The following ANKRD30A variants were observed in gnomAD, a reference collection of about 807,000 sequenced individuals.
The protein encoded by ANKRD30A is ankyrin repeat domain-containing protein 30A.
In ANKRD30A, 170 loss-of-function variants were observed where a neutral mutation model predicts 166.3. The observed-to-expected ratio is 1.02, with a 90% CI of 0.90 to 1.16. ANKRD30A has a LOEUF of 1.16. ANKRD30A is among the 50% of genes most tolerant of loss of function. The pLI, the probability that ANKRD30A is intolerant of heterozygous loss-of-function variation, is 0.00. For missense variants in ANKRD30A, 1,630 were observed against 1,518.0 expected, an observed-to-expected ratio of 1.07 and a Z score of -1.23; for synonymous variants, 564 against 508.9, an observed-to-expected ratio of 1.11 and a Z score of -1.46.
intron 25 of ANKRD30A, among the ~76,000 whole-genome samples, chr10:37,191,990 A>G (rs1167387436): frequency 2.0e-5 from 3 of 152,018 alleles, no homozygotes; most frequent in Non-Finnish European, 2.9e-5. Flanking sequence ...AATGATATAT[A>G]AAAAGCCTCT....
rs1835946310 is a variant in ANKRD30A at position 37,125,614 on chromosome 10, A to T, written c.-174A>T. On this transcript the variant is annotated 5_prime_UTR_variant, in exon 1 of 36. Coordinates refer to ENST00000361713, the MANE Select transcript of ANKRD30A (RefSeq NM_052997.3). Reference sequence around the variant, plus strand: ...CTGGCTAACGGCTCTGCTCAGCGCGATTCTACTGAGAGAGGCCTGAGTGTG... The same window carrying T: ...CTGGCTAACGGCTCTGCTCAGCGCGTTTCTACTGAGAGAGGCCTGAGTGTG... Among the ~76,000 whole-genome samples the T allele has an allele frequency of 6.6e-6, 1 of 150,380 alleles. No individual in the cohort carries two copies. Among genetic ancestry groups the T allele is most frequent in the Non-Finnish European group, 1.5e-5 (1 of 67,686 alleles).
chr10:37,222,983 A>C (rs1588954961), intron 34 of ANKRD30A, among the ~76,000 whole-genome samples: 2 of 151,414 alleles, frequency 1.3e-5, no homozygotes, highest in Admixed American at 6.6e-5. Flanking sequence ...TTATACTGAT[A>C]ATTTATTTTT....
chr10:37,247,978 T>A, the ANKRD30A span: 1 of 296,414 alleles, frequency 3.4e-6, no homozygotes. Flanking sequence ...TGACATGAAT[T>A]TACCTTTGTA....
intron 7 of ANKRD30A, among the ~76,000 whole-genome samples, chr10:37,144,779 T>G (rs887390506): frequency 3.3e-5 from 5 of 152,168 alleles, no homozygotes; most frequent in Non-Finnish European, 5.9e-5. Flanking sequence ...TTTTTAATTT[T>G]TTTGCATTCT....
chr10:37,201,294 A>G lies in ANKRD30A; in HGVS notation c.2838A>G (p.Lys946=). The change falls in exon 31 of 36, where the codon AAA becomes AAG. Residue 946 remains lysine, a synonymous_variant. Coordinates refer to ENST00000361713, the MANE Select transcript of ANKRD30A (RefSeq NM_052997.3). The part of the protein sequence containing the change: ...DVCVPKATHQ[K]EMDKISGKLE... The stretch of plus-strand genomic sequence containing the variant: ...GTGTACCCAAGGCTACACATCAAAA[A>G]GAAATGGATAAAATAAGTGGAAAAT... The G allele has an allele frequency of 6.3e-7, 1 of 1,594,470 alleles. No individual in the cohort carries two copies. The highest frequency in any genetic ancestry group is 1.1e-5 in the South Asian group (1 of 87,950).
chr10:37,210,466 C>T (rs892166298), intron 31 of ANKRD30A, among the ~76,000 whole-genome samples: 1 of 152,014 alleles, frequency 6.6e-6, no homozygotes, highest in Non-Finnish European at 1.5e-5. Context: ...ATTTATAATC[C>T]TTTGGGTATA....
the ANKRD30A span, among the ~76,000 whole-genome samples, chr10:37,242,595 A>C: frequency 7.2e-5 from 11 of 152,216 alleles, no homozygotes; most frequent in Non-Finnish European, 1.6e-4. Context: ...AGAAATGTTC[A>C]GCTTTTTCAT....
the ANKRD30A span, among the ~76,000 whole-genome samples, chr10:37,240,067 T>A: frequency 1.3e-5 from 2 of 152,114 alleles, no homozygotes; most frequent in African/African-American, 2.4e-5. Context: ...CTATTTACAG[T>A]TTCATTAATT....
In ANKRD30A at chr10:37,231,628, C is replaced by G; in HGVS notation, c.*159C>G. 2.2e-6 allele frequency: 1 copy of G among 455,038 alleles called. No individual in the cohort carries two copies. The highest frequency in any genetic ancestry group is 3.9e-6 in the Non-Finnish European group (1 of 259,408). 28.2% of individuals were successfully genotyped at this position (455,038 alleles called of 1,614,324 possible). ...ATTTTAGAAGAAAAATTCATGATTT[C>G]TTCCTGAAGCCTACAGACATAAAAT... On this transcript the variant is annotated 3_prime_UTR_variant, in exon 35 of 36. Transcript: ENST00000361713.
At chr10:37,243,582 A>G in the ANKRD30A span, among the ~76,000 whole-genome samples, 84 of 152,234 alleles carry the variant, frequency 5.5e-4, no homozygotes, top group Non-Finnish European at 2.1e-4. Flanking sequence ...CTTAGTATGT[A>G]GTAAGTCCTT....
chr10:37,172,005 C>T lies in ANKRD30A; in HGVS notation c.2258-1707C>T, dbSNP rs1394643716. ...AAGTATACCTAATATAGTTGTCAAC[C>T]ACATTACTTTAGAAAACATAAACAA... On this transcript the variant is annotated intron_variant, in intron 21 of 35. Transcript: ENST00000361713. Among the ~76,000 whole-genome samples, 16 of 146,004 alleles carry T rather than the reference C, an allele frequency of 1.1e-4. 1 individual carries two copies. The highest frequency in any genetic ancestry group is 6.8e-3 in the Middle Eastern group (2 of 294).
At chr10:37,138,147 A>C (rs1836847435) in intron 6 of ANKRD30A, among the ~76,000 whole-genome samples, 1 of 152,178 alleles carries the variant, frequency 6.6e-6, no homozygotes, top group Non-Finnish European at 1.5e-5. Context: ...GCAAACTCCA[A>C]CAGACGTGCA....
chr10:37,167,310 G>A (rs1221050112), intron 19 of ANKRD30A, among the ~76,000 whole-genome samples: 1 of 139,240 alleles, frequency 7.2e-6, no homozygotes, highest in Admixed American at 6.8e-5. Flanking sequence ...ATAGATGTGT[G>A]CATGTATGTA....
At chr10:37,200,924 C>A (rs1841572017) in intron 30 of ANKRD30A, among the ~76,000 whole-genome samples, 1 of 151,984 alleles carries the variant, frequency 6.6e-6, no homozygotes, top group South Asian at 2.1e-4. Context: ...TTGAGGACGA[C>A]AACATGTTAG....
At chr10:37,212,095 G>A (rs1029929755) in intron 31 of ANKRD30A, among the ~76,000 whole-genome samples, 2 of 151,894 alleles carry the variant, frequency 1.3e-5, no homozygotes, top group African/African-American at 4.8e-5. Flanking sequence ...TTTTACAGAC[G>A]ACATGATTGT....
At chr10:37,167,028 G>T (rs1287750526) in intron 19 of ANKRD30A, among the ~76,000 whole-genome samples, 2 of 152,084 alleles carry the variant, frequency 1.3e-5, no homozygotes, top group African/African-American at 4.8e-5. Context: ...CAAGAAGCAG[G>T]TTTATGTAAT....
chr10:37,222,394 G>C (rs560912630), intron 34 of ANKRD30A, among the ~76,000 whole-genome samples: 1 of 151,344 alleles, frequency 6.6e-6, no homozygotes, highest in African/African-American at 2.4e-5. Context: ...CTCTTACTTA[G>C]CATAGTGTTT....
At chr10:37,154,051 T>C (rs17590427) in intron 13 of ANKRD30A, among the ~76,000 whole-genome samples, 1 of 152,128 alleles carries the variant, frequency 6.6e-6, no homozygotes, top group African/African-American at 2.4e-5. Context: ...GATTGGGTAT[T>C]GTTAGAAATT....
In ANKRD30A at chr10:37,132,258, T is replaced by G; in HGVS notation, c.529T>G (p.Leu177Val). ...TTTACAGGCTAGCCTCACACCACTT[T>G]TACTATCCATAACGAAAAGAAGTGA... ...VHNKASLTPL[L>V]LSITKRSEQI... Residue 177 changes from leucine (L) to valine (V), a missense_variant, in exon 4 of 36, where the codon TTA becomes GTA. By Grantham distance (32) the Leu-to-Val change is conservative. Around this residue, in one of 4 missense-constraint regions of ANKRD30A, gnomAD observed 904 missense variants for 818.5 expected, o/e 1.10. Coordinates refer to ENST00000361713, the MANE Select transcript of ANKRD30A (RefSeq NM_052997.3). 6.3e-7 allele frequency: 1 copy of G among 1,596,404 alleles called. No individual in the cohort carries two copies. The highest frequency in any genetic ancestry group is 2.2e-5 in the East Asian group (1 of 44,600).
Sources: gnomAD v4.1 joint callset for allele counts (sites outside exome capture counted in the v4.1 genomes callset) on GRCh38, gnomAD v4.1.1 for gene constraint, gnomAD v4.1.1 regional missense constraint, MANE v1.5 for transcripts, NCBI Gene and HGNC (gene_info 2026-07-23, HGNC 2026-07-21) for gene names.